DENND4C: variants seen among roughly 807,000 people sequenced by gnomAD.
DENND4C encodes DENN domain-containing protein 4C.
DENND4C carries 108 observed loss-of-function variants against 203.0 expected under a neutral mutation model. The observed-to-expected ratio is 0.53, with a 90% CI of 0.46 to 0.62. DENND4C has a LOEUF of 0.62. DENND4C is among the 20% of genes least tolerant of loss of function. The pLI, the probability that DENND4C is intolerant of heterozygous loss-of-function variation, is 0.00. For missense variants in DENND4C, 2,481 were observed against 2,301.2 expected, an observed-to-expected ratio of 1.08 and a Z score of -1.60; for synonymous variants, 871 against 792.4, an observed-to-expected ratio of 1.10 and a Z score of -1.67.
chr9:19,360,629 G>A (rs972905146), intron 29 of DENND4C, 140 bp downstream of exon 29: 2 of 1,144,692 alleles, frequency 1.7e-6, no homozygotes, highest in Non-Finnish European at 1.2e-6. Flanking sequence ...AAGCAGTCCT[G>A]GAATGGTAAA....
intron 22 of DENND4C, among the ~76,000 whole-genome samples, chr9:19,344,991 C>G (rs1661030199): frequency 6.6e-6 from 1 of 152,018 alleles, no homozygotes; most frequent in African/African-American, 2.4e-5. Context: ...GGCTCTAATC[C>G]CATTCATCAG....
chr9:19,264,116 A>C (rs1321926318), intron 1 of DENND4C, among the ~76,000 whole-genome samples: 1 of 152,154 alleles, frequency 6.6e-6, no homozygotes, highest in Non-Finnish European at 1.5e-5. Flanking sequence ...TCAGCAGTGA[A>C]GCCATTAGGT....
chr9:19,237,820 C>T (rs950513187), intron 1 of DENND4C, among the ~76,000 whole-genome samples: 2 of 152,124 alleles, frequency 1.3e-5, no homozygotes, highest in African/African-American at 4.8e-5. Flanking sequence ...TATATACCCC[C>T]ACACTAAAAA....
At chr9:19,260,207 A>G (rs899034519) in intron 1 of DENND4C, among the ~76,000 whole-genome samples, 2 of 152,156 alleles carry the variant, frequency 1.3e-5, no homozygotes, top group African/African-American at 4.8e-5. Context: ...AGAAATTTTG[A>G]TGCATTTCTC....
intron 3 of DENND4C, among the ~76,000 whole-genome samples, chr9:19,288,024 A>G (rs1835561410): frequency 6.6e-6 from 1 of 152,258 alleles, no homozygotes; most frequent in Non-Finnish European, 1.5e-5. Flanking sequence ...GCAAGCCACC[A>G]CACCCAATCC....
chr9:19,317,814 A>AG (rs1241799706), intron 12 of DENND4C, among the ~76,000 whole-genome samples: 22 of 152,348 alleles, frequency 1.4e-4, no homozygotes, highest in African/African-American at 5.0e-4. Flanking sequence ...TTAAGAGTTC[A>AG]GAAAAAAAAG....
chr9:19,361,939 C>T lies in DENND4C; in HGVS notation c.5500C>T (p.Leu1834=), dbSNP rs747473184. 5.0e-6 allele frequency: 8 copies of T among 1,601,662 alleles called. No homozygotes were observed. The highest frequency in any genetic ancestry group is 6.0e-6 in the Non-Finnish European group (7 of 1,168,824). The change falls in exon 30 of 33, where the codon CTG becomes TTG. Residue 1834 remains leucine (L), a synonymous_variant. Transcript: ENST00000434457. ...CCTTCATCAGGAACCAAGAGAACCT[C>T]TGTATGTCTCATGGAGGAATTTTAG... The part of the protein sequence containing the change: ...INLHQEPREP[L]YVSWRNFNSE...
At chr9:19,338,480 A>T (rs564218757) in intron 20 of DENND4C, among the ~76,000 whole-genome samples, 11 of 152,238 alleles carry the variant, frequency 7.2e-5, no homozygotes, top group African/African-American at 2.6e-4. Flanking sequence ...CCCCTTATAT[A>T]TATTTTAGCT....
intron 4 of DENND4C, among the ~76,000 whole-genome samples, chr9:19,290,184 G>C (rs998788729): frequency 6.6e-6 from 1 of 151,996 alleles, no homozygotes; most frequent in Non-Finnish European, 1.5e-5. Context: ...CTACTTTCTG[G>C]GTCTCACATA....
intron 12 of DENND4C, among the ~76,000 whole-genome samples, chr9:19,319,415 T>TATATACATATATATATACACACATATAC: frequency 1.4e-5 from 2 of 145,428 alleles, no homozygotes; most frequent in Non-Finnish European, 3.0e-5. Context: ...CACACATATA[T>TATATACATATATATATACACACATATAC]ATATACATAT....
intron 28 of DENND4C, 114 bp from the exon 29 acceptor site, chr9:19,360,130 G>A: frequency 9.4e-7 from 1 of 1,064,202 alleles, no homozygotes; most frequent in South Asian, 1.5e-5. Flanking sequence ...ATGTAGCAAT[G>A]GTCCTAAAAT....
At chr9:19,309,928 A>C (rs528358830) in intron 10 of DENND4C, among the ~76,000 whole-genome samples, 1 of 152,286 alleles carries the variant, frequency 6.6e-6, no homozygotes, top group East Asian at 1.9e-4. Context: ...ATGACCCATG[A>C]ATGTGATATT....
intron 26 of DENND4C, among the ~76,000 whole-genome samples, chr9:19,355,906 CCTT>C (rs1352559070): frequency 4.6e-5 from 7 of 151,794 alleles, no homozygotes; most frequent in African/African-American, 1.7e-4. Context: ...TCTTTTATGT[CCTT>C]TAACACAGGT....
intron 2 of DENND4C, 85 bp from the exon 3 acceptor site, chr9:19,286,684 C>T (rs186846501): frequency 7.7e-6 from 9 of 1,166,942 alleles, no homozygotes; most frequent in Non-Finnish European, 9.7e-6. Context: ...CAGCATTAAC[C>T]TGAAATGCAT....
At chr9:19,257,971 A>G (rs909008254) in intron 1 of DENND4C, among the ~76,000 whole-genome samples, 1 of 152,032 alleles carries the variant, frequency 6.6e-6, no homozygotes, top group Admixed American at 6.6e-5. Context: ...AAAATAAATT[A>G]ACTGGATGTG....
At chr9:19,357,826 G>T in intron 27 of DENND4C, 139 bp from the exon 28 acceptor site, 1 of 677,622 alleles carries the variant, frequency 1.5e-6, no homozygotes, top group Non-Finnish European at 2.3e-6. Context: ...TGAAGGAAAT[G>T]CAATTCTTAC....
chr9:19,279,456 C>G (rs892434126), intron 2 of DENND4C, among the ~76,000 whole-genome samples: 2 of 152,098 alleles, frequency 1.3e-5, no homozygotes, highest in African/African-American at 4.8e-5. Context: ...AAGCCGATCA[C>G]TTGTGGTCAG....
chr9:19,334,883 T>C (rs538421079), intron 17 of DENND4C, 94 bp from the exon 18 acceptor site: 2 of 1,262,952 alleles, frequency 1.6e-6, no homozygotes, highest in African/African-American at 3.0e-5. Flanking sequence ...AAAATACTGC[T>C]TAATAACTTC....
intron 1 of DENND4C, among the ~76,000 whole-genome samples, chr9:19,259,885 C>G (rs1564094871): frequency 2.0e-5 from 3 of 152,130 alleles, no homozygotes; most frequent in Non-Finnish European, 2.9e-5. Flanking sequence ...AGGTTCCTTC[C>G]AAATCTTGGC....
Sources: gnomAD v4.1 joint callset for allele counts (sites outside exome capture counted in the v4.1 genomes callset) on GRCh38, gnomAD v4.1.1 for gene constraint, MANE v1.5 for transcripts, NCBI Gene and HGNC (gene_info 2026-07-23, HGNC 2026-07-21) for gene names.